Variants in CADM1 observed in about 807,000 individuals in gnomAD.
CADM1 encodes TSLC-1.
CADM1 carries 15 observed loss-of-function variants against 53.1 expected under a neutral mutation model. That is an observed-to-expected ratio of 0.28 (90% CI 0.19 to 0.44). The LOEUF is 0.44. Among genes scored for constraint, CADM1 ranks in the 20% least tolerant of loss-of-function variants. CADM1 has a pLI of 1.00. For missense variants in CADM1, 434 were observed against 611.3 expected, an observed-to-expected ratio of 0.71 and a Z score of 3.06; for synonymous variants, 281 against 243.0, an observed-to-expected ratio of 1.16 and a Z score of -1.45.
At chr11:115,251,036 C>T (rs1211137299) in intron 1 of CADM1, among the ~76,000 whole-genome samples, 2 of 152,314 alleles carry the variant, frequency 1.3e-5, no homozygotes, top group East Asian at 3.9e-4. Flanking sequence ...CTCAGCATAT[C>T]AAGGAATCTG....
intron 1 of CADM1, among the ~76,000 whole-genome samples, chr11:115,411,343 C>T (rs1947455619): frequency 6.6e-6 from 1 of 152,090 alleles, no homozygotes; most frequent in South Asian, 2.1e-4. Flanking sequence ...ACAATCTGTA[C>T]CACTCAATGA....
At chr11:115,336,770 G>T (rs187508634) in intron 1 of CADM1, among the ~76,000 whole-genome samples, 8 of 151,968 alleles carry the variant, frequency 5.3e-5, no homozygotes, top group Non-Finnish European at 8.8e-5. Flanking sequence ...AAGTATGAGT[G>T]TTTTTCCAAC....
At chr11:115,271,432 A>T (rs938675392) in intron 1 of CADM1, among the ~76,000 whole-genome samples, 3 of 152,010 alleles carry the variant, frequency 2.0e-5, no homozygotes, top group Non-Finnish European at 4.4e-5. Context: ...ACAGGCGCCT[A>T]CAACCACGCC....
chr11:115,417,640 G>A (rs536621760), intron 1 of CADM1, among the ~76,000 whole-genome samples: 92 of 152,280 alleles, frequency 6.0e-4, no homozygotes, highest in African/African-American at 2.0e-3. Context: ...TGGCGTACAC[G>A]GTGTGGAGAT....
intron 10 of CADM1, among the ~76,000 whole-genome samples, chr11:115,182,318 AT>A: frequency 6.6e-6 from 1 of 152,312 alleles, no homozygotes; most frequent in South Asian, 2.1e-4. Context: ...TTAGAAAGCC[AT>A]GTTTTCTTGT....
intron 1 of CADM1, among the ~76,000 whole-genome samples, chr11:115,441,961 G>A (rs1315991135): frequency 6.6e-6 from 1 of 152,066 alleles, no homozygotes; most frequent in Non-Finnish European, 1.5e-5. Context: ...ACTGGGCATT[G>A]TACTAGGCAC....
intron 7 of CADM1, among the ~76,000 whole-genome samples, chr11:115,213,428 T>C (rs1359695702): frequency 6.6e-6 from 1 of 152,190 alleles, no homozygotes; most frequent in Admixed American, 6.5e-5. Context: ...AGATAAAACA[T>C]ACTTCAGAAG....
chr11:115,256,046 T>C (rs1942776641), intron 1 of CADM1, among the ~76,000 whole-genome samples: 1 of 152,230 alleles, frequency 6.6e-6, no homozygotes, highest in African/African-American at 2.4e-5. Flanking sequence ...TTATTGTTAC[T>C]GTGTGTTTTG....
At chr11:115,238,837 A>AGTGTGTGTGT (rs562507283) in intron 2 of CADM1, among the ~76,000 whole-genome samples, 185 bp from the exon 3 acceptor site, 12 of 151,944 alleles carry the variant, frequency 7.9e-5, no homozygotes, top group African/African-American at 2.9e-4. Context: ...TGTATGTGTG[A>AGTGTGTGTGT]GTGTGTGTGT....
intron 1 of CADM1, among the ~76,000 whole-genome samples, chr11:115,447,302 C>A (rs2135339720): frequency 6.6e-6 from 1 of 152,220 alleles, no homozygotes; most frequent in East Asian, 1.9e-4. Flanking sequence ...AAGTATATGA[C>A]CCTGAACAAG....
intron 1 of CADM1, among the ~76,000 whole-genome samples, chr11:115,478,214 C>A (rs1444837171): frequency 6.6e-6 from 1 of 151,982 alleles, no homozygotes; most frequent in Admixed American, 6.6e-5. Context: ...TAAAACAAAT[C>A]TAGTAATCAG....
chr11:115,212,422 A>C (rs1941004420), intron 7 of CADM1, among the ~76,000 whole-genome samples: 1 of 152,190 alleles, frequency 6.6e-6, no homozygotes, highest in Non-Finnish European at 1.5e-5. Context: ...TGTCATCCCA[A>C]GTATTGTTAC....
chr11:115,336,453 C>T (rs1358500729), intron 1 of CADM1, among the ~76,000 whole-genome samples: 1 of 152,102 alleles, frequency 6.6e-6, no homozygotes, highest in African/African-American at 2.4e-5. Flanking sequence ...AAAAATAAAA[C>T]CGACTGCCAC....
At chr11:115,396,410 G>C (rs1042820866) in intron 1 of CADM1, among the ~76,000 whole-genome samples, 1 of 152,170 alleles carries the variant, frequency 6.6e-6, no homozygotes, top group South Asian at 2.1e-4. Flanking sequence ...AGAGAGCCAG[G>C]GTTGAGCTAC....
intron 1 of CADM1, among the ~76,000 whole-genome samples, chr11:115,502,774 TC>T (rs1222515673): frequency 2.0e-5 from 3 of 151,568 alleles, no homozygotes; most frequent in Non-Finnish European, 2.9e-5. Flanking sequence ...CCCCCACACA[TC>T]CCCCGTCTCC....
intron 1 of CADM1, among the ~76,000 whole-genome samples, chr11:115,277,088 C>G (rs1355601905): frequency 6.6e-6 from 1 of 152,208 alleles, no homozygotes; most frequent in African/African-American, 2.4e-5. Flanking sequence ...TAGCCAAAAG[C>G]CAGCTTGAGT....
At chr11:115,337,232 T>C (rs1366947727) in intron 1 of CADM1, among the ~76,000 whole-genome samples, 1 of 152,164 alleles carries the variant, frequency 6.6e-6, no homozygotes, top group Non-Finnish European at 1.5e-5. Context: ...TCCAGTTCCT[T>C]AGCTTCTGAC....
intron 1 of CADM1, among the ~76,000 whole-genome samples, chr11:115,333,773 T>C (rs939768465): frequency 6.6e-6 from 1 of 152,130 alleles, no homozygotes; most frequent in African/African-American, 2.4e-5. Context: ...ACTGGGCACA[T>C]AGTAAATATA....
At chr11:115,406,019 CT>C (rs1565411081) in intron 1 of CADM1, among the ~76,000 whole-genome samples, 1 of 152,188 alleles carries the variant, frequency 6.6e-6, no homozygotes, top group Non-Finnish European at 1.5e-5. Context: ...CAAAAGGCAT[CT>C]GCATCATAAA....
Sources: allele counts gnomAD v4.1 joint callset (sites outside exome capture counted in the v4.1 genomes callset), GRCh38; gene constraint gnomAD v4.1.1; transcripts MANE v1.5; gene names NCBI Gene and HGNC (gene_info 2026-07-23, HGNC 2026-07-21).